Variants in HAPLN1 observed in about 807,000 individuals in gnomAD.
HAPLN1 encodes hyaluronan and proteoglycan link protein 1.
HAPLN1 carries 13 observed loss-of-function variants against 36.5 expected under a neutral mutation model. The observed-to-expected ratio is 0.36, with a 90% confidence interval of 0.23 to 0.57. The LOEUF (loss-of-function observed/expected upper bound fraction) is 0.57, where lower values mean the gene tolerates loss of function less well. Among genes scored for constraint, HAPLN1 ranks in the 20% least tolerant of loss-of-function variants. The pLI is 0.83. For synonymous variants in HAPLN1, 202 were observed against 169.8 expected (o/e 1.19, Z -1.48); for missense variants, 407 against 439.7 (o/e 0.93, Z 0.66).
intron 1 of HAPLN1, among the ~76,000 whole-genome samples, chr5:83,676,587 G>T (rs1212758398): frequency 1.3e-5 from 2 of 152,278 alleles, no homozygotes; most frequent in East Asian, 1.9e-4. Context: ...CAGTAGAAAA[G>T]GACACCTCAG....
chr5:83,709,368 A>G (rs1464708433), intron 1 of HAPLN1, among the ~76,000 whole-genome samples: 1 of 152,226 alleles, frequency 6.6e-6, no homozygotes, highest in African/African-American at 2.4e-5. Flanking sequence ...CTATGTCTGA[A>G]AAGCCTAATA....
At chr5:83,647,233 AT>A (rs973799961) in intron 3 of HAPLN1, among the ~76,000 whole-genome samples, 1 of 152,156 alleles carries the variant, frequency 6.6e-6, no homozygotes. Context: ...TCATACAATC[AT>A]TTTTTAGGGT....
chr5:83,696,165 T>C (rs995979399), intron 1 of HAPLN1, among the ~76,000 whole-genome samples: 1 of 152,090 alleles, frequency 6.6e-6, no homozygotes, highest in Non-Finnish European at 1.5e-5. Context: ...GAATACCATA[T>C]ACCAAAGCAT....
chr5:83,651,940 CA>C (rs1750074296), intron 3 of HAPLN1: 2 of 152,790 alleles, frequency 1.3e-5, no homozygotes, highest in African/African-American at 4.8e-5. Context: ...GACTCTGAAC[CA>C]TTACAAAATC....
chr5:83,718,270 T>C (rs979176276), intron 1 of HAPLN1, among the ~76,000 whole-genome samples: 1 of 152,210 alleles, frequency 6.6e-6, no homozygotes, highest in Admixed American at 6.5e-5. Context: ...CATCACTTGC[T>C]TTAGTTTCTA....
At chr5:83,669,411 A>C (rs1448100045) in intron 2 of HAPLN1, among the ~76,000 whole-genome samples, 2 of 152,142 alleles carry the variant, frequency 1.3e-5, no homozygotes, top group African/African-American at 4.8e-5. Flanking sequence ...AGGTAGGAGA[A>C]TCTCTTGAAC....
At chr5:83,718,980 A>G (rs1751969709) in intron 1 of HAPLN1, among the ~76,000 whole-genome samples, 2 of 152,194 alleles carry the variant, frequency 1.3e-5, no homozygotes, top group Admixed American at 1.3e-4. Context: ...CTAAGATGCT[A>G]AAAGGCAGGA....
At chr5:83,663,799 CTTTTTTT>C (rs71605866) in intron 2 of HAPLN1, among the ~76,000 whole-genome samples, 5 of 121,884 alleles carry the variant, frequency 4.1e-5, no homozygotes, top group Admixed American at 8.6e-5. Context: ...TCTTCCTTCA[CTTTTTTT>C]TTTTTTTTTT....
At chr5:83,661,290 G>A (rs1750380351) in intron 2 of HAPLN1, among the ~76,000 whole-genome samples, 1 of 151,554 alleles carries the variant, frequency 6.6e-6, no homozygotes, top group African/African-American at 2.4e-5. Context: ...TTCAATTCCT[G>A]TCTGCCCCTT....
At chr5:83,688,386 G>A (rs533215008) in intron 1 of HAPLN1, among the ~76,000 whole-genome samples, 10 of 152,208 alleles carry the variant, frequency 6.6e-5, no homozygotes, top group Non-Finnish European at 1.2e-4. Context: ...TCTCTATTTA[G>A]TTCTCTTCAC....
At chr5:83,712,572 T>C (rs547391551) in intron 1 of HAPLN1, among the ~76,000 whole-genome samples, 16 of 152,226 alleles carry the variant, frequency 1.1e-4, no homozygotes, top group African/African-American at 3.6e-4. Context: ...ATCTTTTTAA[T>C]ATATTTATCT....
intron 1 of HAPLN1, among the ~76,000 whole-genome samples, chr5:83,719,030 G>A (rs967987945): frequency 3.9e-5 from 6 of 152,074 alleles, no homozygotes; most frequent in Admixed American, 2.0e-4. Flanking sequence ...ATCTTTCTGT[G>A]TACTCTGAAT....
intron 1 of HAPLN1, among the ~76,000 whole-genome samples, chr5:83,708,609 G>T (rs1451514730): frequency 2.0e-5 from 3 of 151,998 alleles, no homozygotes; most frequent in African/African-American, 7.3e-5. Context: ...TAACTATTAG[G>T]TACTAGACTT....
Position 83,641,416 on chromosome 5 carries a change from G to T in HAPLN1, c.*80C>A. 2 of 1,325,024 alleles carry T rather than the reference G, an allele frequency of 1.5e-6. No individual in the cohort carries two copies. Among genetic ancestry groups the T allele is most frequent in the Non-Finnish European group, 1.0e-6 (1 of 971,820 alleles). The allele number at this position is 1,325,024 out of a possible 1,614,324, so 82.1% of individuals were successfully genotyped here. A position where few individuals can be genotyped will look rare whatever the true frequency, so the allele number is the denominator to read the frequency against. ...AGGGTTATCACAGTTTTGGTAACTT[G>T]CATGAGTTCATATTGGAAAAAAAAA... is the stretch of plus-strand genomic sequence containing the variant. On this transcript the variant is annotated 3_prime_UTR_variant, in exon 5 of 5. Transcript: ENST00000274341.
intron 1 of HAPLN1, among the ~76,000 whole-genome samples, chr5:83,692,009 G>T (rs1161014541): frequency 2.0e-5 from 3 of 151,642 alleles, no homozygotes; most frequent in African/African-American, 4.8e-5. Flanking sequence ...AAATTGAATG[G>T]GATTAATGGC....
At position 83,638,708 on chromosome 5, in the gene HAPLN1, C is replaced by T. The variant is rs1411839223; in HGVS notation, c.*2788G>A. The T allele has an allele frequency of 1.3e-5, 2 of 152,010 alleles. No homozygotes were observed. The highest frequency in any genetic ancestry group is 4.8e-5 in the African/African-American group (2 of 41,416). 9.4% of individuals were successfully genotyped at this position (152,010 alleles called of 1,614,324 possible). A position where few individuals can be genotyped will look rare whatever the true frequency, so the allele number is the denominator to read the frequency against. ...ACTTTGACAGGTACCAGCCCCCTTT[C>T]CATGAGAGAAAGTTTAAATTTACAA... is the stretch of plus-strand genomic sequence containing the variant. On this transcript the variant is annotated 3_prime_UTR_variant, in exon 5 of 5. Coordinates refer to ENST00000274341, the MANE Select transcript of HAPLN1 (RefSeq NM_001884.4).
chr5:83,675,947 C>A (rs945810013), intron 1 of HAPLN1, among the ~76,000 whole-genome samples: 9 of 152,114 alleles, frequency 5.9e-5, no homozygotes, highest in African/African-American at 1.9e-4. Context: ...TCTTTTGTTG[C>A]CTTTTTAAAT....
At chr5:83,689,354 G>T (rs1751215573) in intron 1 of HAPLN1, among the ~76,000 whole-genome samples, 1 of 152,002 alleles carries the variant, frequency 6.6e-6, no homozygotes, top group Non-Finnish European at 1.5e-5. Context: ...ATGAACATTT[G>T]CATAATGAAG....
chr5:83,678,812 A>AT (rs1316991751), intron 1 of HAPLN1, among the ~76,000 whole-genome samples: 2 of 152,234 alleles, frequency 1.3e-5, no homozygotes, highest in African/African-American at 4.8e-5. Flanking sequence ...TAAATGGTGA[A>AT]TATTTGGCAT....
Sources: allele counts gnomAD v4.1 joint callset (sites outside exome capture counted in the v4.1 genomes callset), GRCh38; gene constraint gnomAD v4.1.1; transcripts MANE v1.5; gene names NCBI Gene and HGNC (gene_info 2026-07-23, HGNC 2026-07-21).